PTPRN2: variants seen among roughly 807,000 people sequenced by gnomAD.
The protein encoded by PTPRN2 is receptor-type tyrosine-protein phosphatase N2.
A neutral mutation model predicts 118.8 loss-of-function variants in PTPRN2; 74 were observed. That is an observed-to-expected ratio of 0.62 (90% CI 0.52 to 0.76). The LOEUF (loss-of-function observed/expected upper bound fraction) is 0.76, where lower values mean the gene tolerates loss of function less well. Ranked by LOEUF, PTPRN2 falls within the 30% of genes least tolerant of loss-of-function variation. PTPRN2 has a pLI of 0.00. For synonymous variants in PTPRN2, 641 were observed against 608.0 expected (o/e 1.05, Z -0.80); for missense variants, 1,481 against 1,394.4 (o/e 1.06, Z -0.99).
intron 12 of PTPRN2, among the ~76,000 whole-genome samples, chr7:157,844,433 C>T (rs1401268426): frequency 6.6e-6 from 1 of 152,156 alleles, no homozygotes; most frequent in East Asian, 1.9e-4. Flanking sequence ...AGAAAGAACA[C>T]TAGAGCTGAA....
intron 15 of PTPRN2, among the ~76,000 whole-genome samples, chr7:157,604,969 G>GT (rs763505865): frequency 6.6e-6 from 1 of 152,234 alleles, no homozygotes; most frequent in Non-Finnish European, 1.5e-5. Context: ...CAACTCCCTG[G>GT]TGTGTGGCCG....
Position 157,780,815 on chromosome 7 carries a change from T to C in PTPRN2, c.1789-97878A>G, listed in dbSNP as rs1415937592. Among the ~76,000 whole-genome samples, 1 of 152,094 alleles carries C rather than the reference T, an allele frequency of 6.6e-6. No individual in the cohort carries two copies. Among genetic ancestry groups the C allele is most frequent in the East Asian group, 1.9e-4 (1 of 5,186 alleles). ...CTCCAAACTCGCTTTCTCTGCCTCA[T>C]CCGTGATGAGCTGCCCCGCGGGTCC... On this transcript the variant is annotated intron_variant, in intron 12 of 22. Transcript: ENST00000389418. This position sits in a 1 kb window ranked among gnomAD's most constrained non-coding sequence, Gnocchi z 4.5.
chr7:157,622,667 C>T lies in PTPRN2; in HGVS notation c.2197-1158G>A, dbSNP rs186481027. On this transcript the variant is annotated intron_variant, in intron 14 of 22. Coordinates refer to ENST00000389418, the MANE Select transcript of PTPRN2 (RefSeq NM_002847.5). The surrounding 1 kb of genome is among the most constrained non-coding windows in gnomAD (Gnocchi z 5.3). ...CCAGCTCACACGGGAGCAGGTGCAT[C>T]GGGCACCTGTGCTGTTTGCGCGACA... 1.2e-4 allele frequency among the ~76,000 whole-genome samples: 19 copies of T among 152,286 alleles called. No individual in the cohort carries two copies. Among genetic ancestry groups the T allele is most frequent in the African/African-American group, 4.6e-4 (19 of 41,564 alleles).
intron 2 of PTPRN2, among the ~76,000 whole-genome samples, chr7:158,400,440 TCAC>T (rs1171662698): frequency 2.0e-5 from 3 of 152,076 alleles, no homozygotes; most frequent in Non-Finnish European, 4.4e-5. Flanking sequence ...CCTCCTGACA[TCAC>T]CACAACAAAA....
chr7:158,470,498 G>A (rs999927534), intron 2 of PTPRN2, among the ~76,000 whole-genome samples: 5 of 152,194 alleles, frequency 3.3e-5, no homozygotes, highest in African/African-American at 1.2e-4. Context: ...CAACCTGTGT[G>A]GGTACAAGCA....
At chr7:158,071,140 CGTGGTGGTGG>C (rs1811426811) in intron 11 of PTPRN2, among the ~76,000 whole-genome samples, 2 of 39,266 alleles carry the variant, frequency 5.1e-5, no homozygotes, top group Non-Finnish European at 4.3e-5. Flanking sequence ...TGGAGGTGCT[CGTGGTGGTGG>C]AGGTGCTCGT....
chr7:158,110,873 G>A lies in PTPRN2; in HGVS notation c.1599C>T (p.Val533=), dbSNP rs149853423. Residue 533 remains valine (V), a synonymous_variant, in exon 10 of 23, where the codon GTC becomes GTT. Transcript: ENST00000389418. ...TGCTGGGCACCTGCAGGAGGCGGGC[G>A]ACGTCCTCCACCAGCCGCCTTCCTT... is the stretch of plus-strand genomic sequence containing the variant. The part of the protein sequence containing the change: ...PEEGRRLVED[V]ARLLQVPSSA... 7.6e-4 allele frequency: 1,204 copies of A among 1,587,536 alleles called. 13 individuals carry two copies. In the African/African-American group the frequency reaches 0.012, roughly 16 times the overall value.
At chr7:158,151,104 T>TC (rs1563520783) in intron 6 of PTPRN2, among the ~76,000 whole-genome samples, 1 of 11,174 alleles carries the variant, frequency 8.9e-5, no homozygotes, top group African/African-American at 2.8e-4. Context: ...CCGCCCGCCT[T>TC]TCTGCTCCTA....
chr7:157,607,761 A>C lies in PTPRN2; in HGVS notation c.2345-3686T>G, dbSNP rs570759577. 2.6e-5 allele frequency among the ~76,000 whole-genome samples: 4 copies of C among 152,276 alleles called. No homozygotes were observed. The South Asian group carries it at 8.3e-4, about 32-fold the overall frequency. On this transcript the variant is annotated intron_variant, in intron 15 of 22. Coordinates refer to ENST00000389418, the MANE Select transcript of PTPRN2 (RefSeq NM_002847.5). ...AGACAAGTGCCAGCTGGATTTTCTC[A>C]TTGGAAAATTAAGAAAATGCTTCCC...
chr7:158,280,843 C>T (rs561042731), intron 3 of PTPRN2, among the ~76,000 whole-genome samples: 6 of 152,154 alleles, frequency 3.9e-5, no homozygotes, highest in Non-Finnish European at 4.4e-5. Flanking sequence ...AGATGGAAAG[C>T]GGGAGGGGAG....
Position 157,716,708 on chromosome 7 carries a change from C to T in PTPRN2, c.1789-33771G>A, listed in dbSNP as rs576951129. ...ACACTGCCTGGTCACACAGACTCTG[C>T]GGGAACACTGCCTGGCCACGTAGAC... On this transcript the variant is annotated intron_variant, in intron 12 of 22. Coordinates refer to ENST00000389418, the MANE Select transcript of PTPRN2 (RefSeq NM_002847.5). 2.3e-4 allele frequency among the ~76,000 whole-genome samples: 12 copies of T among 52,586 alleles called. 3 individuals carry two copies. The highest frequency in any genetic ancestry group is 4.1e-4 in the Non-Finnish European group (12 of 29,068). The allele number at this position is 52,586 out of a possible 152,430, so 34.5% of individuals were successfully genotyped here.
At chr7:158,220,006 A>G (rs559891085) in intron 3 of PTPRN2, among the ~76,000 whole-genome samples, 1 of 152,134 alleles carries the variant, frequency 6.6e-6, no homozygotes, top group South Asian at 2.1e-4. Flanking sequence ...AAAAGTAGGA[A>G]CTCCTCCCTA....
At chr7:157,751,913 A>G (rs1407980870) in intron 12 of PTPRN2, among the ~76,000 whole-genome samples, 2 of 152,024 alleles carry the variant, frequency 1.3e-5, no homozygotes, top group Non-Finnish European at 2.9e-5. Flanking sequence ...GCTTTTCGCT[A>G]TGGGCAGATG....
intron 2 of PTPRN2, among the ~76,000 whole-genome samples, chr7:158,320,562 T>TGACACTTGGA (rs1802925086): frequency 7.0e-6 from 1 of 143,436 alleles, no homozygotes; most frequent in African/African-American, 3.0e-5. Flanking sequence ...CAGCGCCGGG[T>TGACACTTGGA]GGCGTCCGTG....
intron 13 of PTPRN2, among the ~76,000 whole-genome samples, chr7:157,672,516 C>T (rs891655873): frequency 2.0e-5 from 3 of 152,078 alleles, no homozygotes; most frequent in Non-Finnish European, 2.9e-5. Flanking sequence ...TTTCAGGGTG[C>T]GTTTTACAGG....
intron 2 of PTPRN2, among the ~76,000 whole-genome samples, chr7:158,369,226 G>C (rs1809764054): frequency 6.7e-6 from 1 of 148,372 alleles, no homozygotes; most frequent in Non-Finnish European, 1.5e-5. Context: ...GATCATGTGA[G>C]TTAATACTTA....
intron 9 of PTPRN2, among the ~76,000 whole-genome samples, chr7:158,125,523 T>C (rs894990274): frequency 1.3e-5 from 2 of 152,202 alleles, no homozygotes; most frequent in Admixed American, 1.3e-4. Flanking sequence ...CGCCTTCTTC[T>C]CTTCTAATGT....
chr7:158,435,970 CA>C (rs575572211), intron 2 of PTPRN2, among the ~76,000 whole-genome samples: 142 of 152,244 alleles, frequency 9.3e-4, no homozygotes, highest in Middle Eastern at 3.4e-3. Flanking sequence ...TTTAGTTCTG[CA>C]GGATGAACGA....
chr7:158,316,295 A>AAG (rs1802316659), intron 3 of PTPRN2, among the ~76,000 whole-genome samples: 1 of 152,202 alleles, frequency 6.6e-6, no homozygotes. Flanking sequence ...GCTTCTGACC[A>AAG]AGAGCCCTCA....
Sources: allele counts gnomAD v4.1 joint callset (sites outside exome capture counted in the v4.1 genomes callset), GRCh38; gene constraint gnomAD v4.1.1; non-coding constraint Gnocchi (gnomAD v3.1); transcripts MANE v1.5; gene names NCBI Gene and HGNC (gene_info 2026-07-23, HGNC 2026-07-21).